WDR64: variants seen among roughly 807,000 people sequenced by gnomAD.
The protein encoded by WDR64 is WD repeat-containing protein 64.
In WDR64, 112 loss-of-function variants were observed where a neutral mutation model predicts 139.3. That is an observed-to-expected ratio of 0.80 (90% confidence interval 0.69 to 0.94). The LOEUF (loss-of-function observed/expected upper bound fraction) is 0.94. WDR64 is among the 40% of genes least tolerant of loss of function. The pLI is 0.00. For synonymous variants in WDR64, 444 were observed against 437.7 expected (o/e 1.01, Z -0.18); for missense variants, 1,206 against 1,293.1 (o/e 0.93, Z 1.03).
chr1:241,699,936 T>G (rs915594295), intron 8 of WDR64, among the ~76,000 whole-genome samples: 1 of 152,048 alleles, frequency 6.6e-6, no homozygotes, highest in Middle Eastern at 3.4e-3. Flanking sequence ...AAAATGTTTT[T>G]GACAGCAGAT....
intron 9 of WDR64, among the ~76,000 whole-genome samples, chr1:241,720,734 T>G (rs750318980): frequency 3.3e-5 from 5 of 152,198 alleles, no homozygotes; most frequent in African/African-American, 7.2e-5. Context: ...AAAAATTTTC[T>G]CCCATTCTGT....
At chr1:241,719,554 T>G (rs1360389482) in intron 9 of WDR64, among the ~76,000 whole-genome samples, 1 of 152,142 alleles carries the variant, frequency 6.6e-6, no homozygotes, top group African/African-American at 2.4e-5. Flanking sequence ...TGCTTTTTCA[T>G]GAGGCCCAAT....
intron 9 of WDR64, among the ~76,000 whole-genome samples, chr1:241,715,600 T>C (rs1574036022): frequency 1.3e-5 from 2 of 152,346 alleles, no homozygotes; most frequent in South Asian, 2.1e-4. Flanking sequence ...CCTCTTTCAA[T>C]GCAAACCCTG....
At chr1:241,787,700 C>A in intron 23 of WDR64, 149 bp from the exon 24 acceptor site, 2 of 573,978 alleles carry the variant, frequency 3.5e-6, no homozygotes, top group Non-Finnish European at 5.9e-6. Context: ...TTATGATTAG[C>A]TCCACAGTAT....
At chr1:241,729,194 G>A (rs1360150988) in intron 10 of WDR64, among the ~76,000 whole-genome samples, 1 of 152,146 alleles carries the variant, frequency 6.6e-6, no homozygotes, top group Non-Finnish European at 1.5e-5. Context: ...TCTCTGAAAT[G>A]TGTCTCCTGT....
intron 2 of WDR64, among the ~76,000 whole-genome samples, chr1:241,666,345 C>T (rs1246530547): frequency 6.6e-6 from 1 of 152,160 alleles, no homozygotes; most frequent in Non-Finnish European, 1.5e-5. Flanking sequence ...AAAACTTTCA[C>T]TGTTGCTTCT....
rs116327729 is a variant in WDR64, at chr1:241,744,570, C to T, written c.1594+54C>T. The T allele has an allele frequency of 2.2e-3, 3,481 of 1,603,314 alleles. 39 individuals are homozygous for T. In the African/African-American group the frequency reaches 0.031, roughly 14 times the overall value. On this transcript the variant is annotated intron_variant, in intron 13 of 27. Transcript: ENST00000437684. ...CCTGCTTTAGTGTCCTGAGAATTTC[C>T]GCCAAAAACTCTTTCGTTCTTTAGG...
chr1:241,798,336 A>G (rs1014547312), intron 27 of WDR64, among the ~76,000 whole-genome samples: 2 of 152,200 alleles, frequency 1.3e-5, no homozygotes, highest in Non-Finnish European at 2.9e-5. Flanking sequence ...TGGTTTACTA[A>G]AAGAAATAGT....
rs188388263 is a variant in WDR64 at position 241,790,171 on chromosome 1, C to T, written c.2892-420C>T. 3.8e-3 allele frequency among the ~76,000 whole-genome samples: 572 copies of T among 151,996 alleles called. 4 individuals are homozygous for T. Among genetic ancestry groups the T allele is most frequent in the African/African-American group, 0.013 (545 of 41,462 alleles). ...TTCGAGACCAGCCTGGCCAACATGG[C>T]GAAACCCCATCTTTACTAAAAATAT... On this transcript the variant is annotated intron_variant, in intron 24 of 27. Coordinates refer to ENST00000437684, the MANE Select transcript of WDR64 (RefSeq NM_001367482.1).
intron 10 of WDR64, among the ~76,000 whole-genome samples, chr1:241,724,289 G>T (rs1668719104): frequency 6.6e-6 from 1 of 152,032 alleles, no homozygotes; most frequent in African/African-American, 2.4e-5. Context: ...TAAAAATACT[G>T]GTATATAGGA....
intron 21 of WDR64, among the ~76,000 whole-genome samples, chr1:241,775,416 A>G (rs9428515): frequency 0.21 from 32,062 of 152,166 alleles, 3,773 homozygotes; most frequent in East Asian, 0.42. Flanking sequence ...CTAGCTCTTC[A>G]CTTAGGGCAA....
chr1:241,692,381 C>A (rs1236859780), intron 8 of WDR64, among the ~76,000 whole-genome samples: 1 of 152,084 alleles, frequency 6.6e-6, no homozygotes, highest in Non-Finnish European at 1.5e-5. Context: ...ATAGGACTGA[C>A]AAGTCAAGAC....
intron 8 of WDR64, among the ~76,000 whole-genome samples, chr1:241,705,384 A>C (rs937059350): frequency 6.6e-6 from 1 of 151,684 alleles, no homozygotes; most frequent in African/African-American, 2.4e-5. Flanking sequence ...TACTGAAAAT[A>C]CAAAAAAAAT....
chr1:241,710,460 A>G (rs1389452164), intron 8 of WDR64, among the ~76,000 whole-genome samples: 1 of 143,826 alleles, frequency 7.0e-6, no homozygotes, highest in African/African-American at 2.5e-5. Context: ...CATACATATG[A>G]ATATATGGTA....
At chr1:241,796,651 T>C (rs574262728) in intron 27 of WDR64, among the ~76,000 whole-genome samples, 63 of 152,216 alleles carry the variant, frequency 4.1e-4, no homozygotes, top group Admixed American at 1.4e-3. Context: ...CGCCACTGTG[T>C]CCAGCTAATT....
Position 241,671,255 on chromosome 1 carries a change from A to G in WDR64, c.379+79A>G, listed in dbSNP as rs1280711071. ...AGAATACTGGAACTATATTTTCCAT[A>G]GAATCACTTTTCATTTTATGTATTT... On this transcript the variant is annotated intron_variant, in intron 3 of 27. Transcript: ENST00000437684. The G allele has an allele frequency of 3.0e-6, 3 of 1,000,198 alleles. No homozygotes were observed. The East Asian group carries it at 7.8e-5, about 26-fold the overall frequency. 62.0% of individuals were successfully genotyped at this position (1,000,198 alleles called of 1,614,324 possible). A position where few individuals can be genotyped will look rare whatever the true frequency, so the allele number is the denominator to read the frequency against.
chr1:241,670,425 C>G lies in WDR64; in HGVS notation c.277-649C>G, dbSNP rs1038282276. 1.8e-4 allele frequency among the ~76,000 whole-genome samples: 27 copies of G among 152,134 alleles called. 1 individual carries two copies. The highest frequency in any genetic ancestry group is 1.6e-3 in the Admixed American group (25 of 15,272). On this transcript the variant is annotated intron_variant, in intron 2 of 27. Transcript: ENST00000437684. ...ATTTGAGAGTGGCCAAAGTCAGTGT[C>G]AAAGTTCTTAGCTGGGGCCCTGCAT...
chr1:241,736,940 C>T (rs750215760), intron 10 of WDR64, among the ~76,000 whole-genome samples: 4 of 152,156 alleles, frequency 2.6e-5, no homozygotes, highest in Non-Finnish European at 5.9e-5. Context: ...AGTGTATATA[C>T]ATACAGCAGA....
intron 22 of WDR64, 131 bp downstream of exon 22, chr1:241,780,193 T>G (rs774824778): frequency 1.3e-6 from 1 of 755,408 alleles, no homozygotes; most frequent in Non-Finnish European, 2.1e-6. Flanking sequence ...TATTGAAATT[T>G]GAGCTACATG....
Sources: gnomAD v4.1 joint callset for allele counts (sites outside exome capture counted in the v4.1 genomes callset) on GRCh38, gnomAD v4.1.1 for gene constraint, MANE v1.5 for transcripts, NCBI Gene and HGNC (gene_info 2026-07-23, HGNC 2026-07-21) for gene names.